IMMP1L: variants seen among roughly 807,000 people sequenced by gnomAD.
IMMP1L encodes mitochondrial inner membrane protease subunit 1.
IMMP1L carries 24 observed loss-of-function variants against 21.8 expected under a neutral mutation model. The ratio of observed to expected loss-of-function variants is 1.10; its 90% CI spans 0.80 to 1.55. The LOEUF (loss-of-function observed/expected upper bound fraction) is 1.55, where lower values mean the gene tolerates loss of function less well. IMMP1L is among the 40% of genes most tolerant of loss of function. The pLI is 0.00. For synonymous variants in IMMP1L, 46 were observed against 62.8 expected (o/e 0.73, Z 1.26); for missense variants, 195 against 200.7 (o/e 0.97, Z 0.17).
At chr11:31,440,396 CTT>C (rs528274355) in intron 4 of IMMP1L, among the ~76,000 whole-genome samples, 1 of 151,906 alleles carries the variant, frequency 6.6e-6, no homozygotes, top group Non-Finnish European at 1.5e-5. Flanking sequence ...TTAAAAAAAA[CTT>C]TTTTTTCTTT....
chr11:31,485,756 G>A lies in IMMP1L; in HGVS notation c.-29-22451C>T, dbSNP rs536607087. On this transcript the variant is annotated intron_variant, in intron 1 of 5. Coordinates refer to ENST00000532287, the MANE Select transcript of IMMP1L (RefSeq NM_001304274.2). ...GAAAACACATCACAGTAGCTCTGAG[G>A]ACAAAAAAGCTTATCAGGCTAGGAT... 1.6e-4 allele frequency among the ~76,000 whole-genome samples: 25 copies of A among 151,904 alleles called. No homozygotes were observed. In the East Asian group the frequency reaches 4.4e-3, roughly 27 times the overall value.
chr11:31,472,174 T>C (rs1954575558), intron 1 of IMMP1L, among the ~76,000 whole-genome samples: 1 of 152,192 alleles, frequency 6.6e-6, no homozygotes, highest in Admixed American at 6.5e-5. Flanking sequence ...GAAGTCTCGT[T>C]TGCCATGTAA....
intron 1 of IMMP1L, among the ~76,000 whole-genome samples, chr11:31,490,163 T>C (rs1043883657): frequency 6.6e-6 from 1 of 151,262 alleles, no homozygotes. Flanking sequence ...TATTCACATA[T>C]GTGTGTGTAT....
At chr11:31,499,967 T>TAAATAAAG (rs1955566224) in intron 1 of IMMP1L, among the ~76,000 whole-genome samples, 2 of 151,068 alleles carry the variant, frequency 1.3e-5, no homozygotes, top group South Asian at 4.2e-4. Flanking sequence ...AATAAATAAA[T>TAAATAAAG]AAATAAATAA....
chr11:31,440,903 T>C (rs931615888), intron 4 of IMMP1L, among the ~76,000 whole-genome samples: 11 of 152,154 alleles, frequency 7.2e-5, no homozygotes, highest in African/African-American at 2.7e-4. Context: ...AAATTCACTA[T>C]GGTATTTTCT....
chr11:31,454,158 T>G (rs1454241997), intron 4 of IMMP1L, among the ~76,000 whole-genome samples: 1 of 152,160 alleles, frequency 6.6e-6, no homozygotes, highest in Non-Finnish European at 1.5e-5. Flanking sequence ...TGTATACTTA[T>G]AAATTTGTCC....
chr11:31,460,581 G>T, intron 3 of IMMP1L, 45 bp downstream of exon 3: 2 of 1,163,698 alleles, frequency 1.7e-6, no homozygotes, highest in Non-Finnish European at 2.6e-6. Flanking sequence ...CAATGTGTGT[G>T]TGTATTTTCA....
chr11:31,486,498 C>T (rs2133772355), intron 1 of IMMP1L, among the ~76,000 whole-genome samples: 1 of 152,062 alleles, frequency 6.6e-6, no homozygotes, highest in African/African-American at 2.4e-5. Context: ...CTATATGTCA[C>T]TTTACTATAT....
chr11:31,446,128 T>C (rs1953509935), intron 4 of IMMP1L, among the ~76,000 whole-genome samples: 1 of 152,198 alleles, frequency 6.6e-6, no homozygotes, highest in Non-Finnish European at 1.5e-5. Flanking sequence ...CCTATTTTAT[T>C]GTACCACTCA....
chr11:31,434,534 T>C (rs931811451), intron 4 of IMMP1L, among the ~76,000 whole-genome samples: 1 of 152,174 alleles, frequency 6.6e-6, no homozygotes. Context: ...TTCTTTTGAC[T>C]GGTTTTACTT....
intron 1 of IMMP1L, among the ~76,000 whole-genome samples, chr11:31,471,744 G>C (rs1007254193): frequency 1.1e-4 from 17 of 152,108 alleles, no homozygotes; most frequent in Admixed American, 1.1e-3. Flanking sequence ...TTAGCACAAA[G>C]CGAACTGGTA....
chr11:31,480,095 G>A (rs1954845008), intron 1 of IMMP1L, among the ~76,000 whole-genome samples: 1 of 152,010 alleles, frequency 6.6e-6, no homozygotes, highest in African/African-American at 2.4e-5. Context: ...AAAGACTAGT[G>A]AGGTCTGTGT....
intron 1 of IMMP1L, among the ~76,000 whole-genome samples, chr11:31,506,448 T>G (rs1183544765): frequency 6.6e-6 from 1 of 151,626 alleles, no homozygotes; most frequent in Non-Finnish European, 1.5e-5. Flanking sequence ...GCCAGGAAGG[T>G]CTCGATCTTC....
In IMMP1L at chr11:31,432,446, TAATA is replaced by T; in HGVS notation, c.*50_*53del. On this transcript the variant is annotated 3_prime_UTR_variant, in exon 6 of 6. Transcript: ENST00000532287. ...GGTAAGTACACGGTTTCAACGGGAGTAATAAATTCACATGAAAAGGAGACAATAA... is the reference window on the plus strand; with the variant it reads ...GGTAAGTACACGGTTTCAACGGGAGTAATTCACATGAAAAGGAGACAATAA... The T allele has an allele frequency of 8.2e-7, 1 of 1,219,390 alleles. No homozygotes were observed. 75.5% of individuals were successfully genotyped at this position (1,219,390 alleles called of 1,614,324 possible).
intron 4 of IMMP1L, chr11:31,452,694 G>A: frequency 6.0e-6 from 6 of 1,004,668 alleles, no homozygotes; most frequent in Non-Finnish European, 4.7e-6. Flanking sequence ...CATAACCCCA[G>A]GAAAGAATTA....
intron 1 of IMMP1L, among the ~76,000 whole-genome samples, chr11:31,475,011 C>T (rs1319095019): frequency 1.3e-5 from 2 of 152,028 alleles, no homozygotes; most frequent in African/African-American, 4.8e-5. Flanking sequence ...AGACCACCGA[C>T]GCATACTCAA....
chr11:31,436,873 A>G (rs997873467), intron 4 of IMMP1L, among the ~76,000 whole-genome samples: 4 of 152,224 alleles, frequency 2.6e-5, no homozygotes, highest in Non-Finnish European at 4.4e-5. Context: ...GGAAAAAGAA[A>G]TAGGTTCAAA....
intron 1 of IMMP1L, among the ~76,000 whole-genome samples, chr11:31,509,172 A>C (rs1181317983): frequency 1.3e-5 from 2 of 152,240 alleles, no homozygotes; most frequent in Admixed American, 1.3e-4. Context: ...AGATAGCCTC[A>C]AAGTTCAAGA....
chr11:31,476,214 C>T (rs1284994324), intron 1 of IMMP1L, among the ~76,000 whole-genome samples: 1 of 151,984 alleles, frequency 6.6e-6, no homozygotes, highest in African/African-American at 2.4e-5. Flanking sequence ...TTTTTCCAAA[C>T]AGCAAACATA....
Sources: gnomAD v4.1 joint callset for allele counts (sites outside exome capture counted in the v4.1 genomes callset) on GRCh38, gnomAD v4.1.1 for gene constraint, MANE v1.5 for transcripts, NCBI Gene and HGNC (gene_info 2026-07-23, HGNC 2026-07-21) for gene names.